Variants in ANKRD30BL observed in about 807,000 individuals in gnomAD.
ANKRD30BL encodes ankyrin repeat domain 30B like.
A neutral mutation model predicts 18.4 loss-of-function variants in ANKRD30BL; 20 were observed. The observed-to-expected ratio is 1.09, with a 90% confidence interval of 0.77 to 1.58. ANKRD30BL has a LOEUF of 1.58. ANKRD30BL is among the 40% of genes most tolerant of loss of function. The pLI is 0.00. For missense variants in ANKRD30BL, 224 were observed against 268.6 expected, an observed-to-expected ratio of 0.83 and a Z score of 1.16; for synonymous variants, 72 against 100.9, an observed-to-expected ratio of 0.71 and a Z score of 1.72.
At chr2:132,206,411 A>G (rs1317878944) in intron 1 of ANKRD30BL, among the ~76,000 whole-genome samples, 1 of 152,154 alleles carries the variant, frequency 6.6e-6, no homozygotes, top group South Asian at 2.1e-4. Context: ...TGAACCCAGG[A>G]TATCAGGATG....
intron 1 of ANKRD30BL, among the ~76,000 whole-genome samples, chr2:132,227,079 T>C (rs2104778110): frequency 6.6e-6 from 1 of 152,260 alleles, no homozygotes; most frequent in Admixed American, 6.6e-5. Context: ...AAATTCTTTG[T>C]GATGTTTGCA....
upstream of ANKRD30BL, among the ~76,000 whole-genome samples, chr2:132,162,371 C>A (rs1290474661): frequency 6.6e-6 from 1 of 152,206 alleles, no homozygotes; most frequent in African/African-American, 2.4e-5. Flanking sequence ...TGCAGCTGAG[C>A]CCATGGTAGA....
chr2:132,155,452 A>G (rs2104923311), intron 3 of ANKRD30BL: 1 of 152,342 alleles, frequency 6.6e-6, no homozygotes, highest in South Asian at 2.1e-4. Context: ...TCCAAATGCC[A>G]ATGTCAGGCA....
chr2:132,171,015 G>C, intron 1 of ANKRD30BL, among the ~76,000 whole-genome samples: 1 of 152,054 alleles, frequency 6.6e-6, no homozygotes, highest in East Asian at 1.9e-4. Context: ...AATTAGCCGG[G>C]CGTGGTGGCG....
rs187466878 is a variant in ANKRD30BL at position 132,213,027 on chromosome 2, T to C, written n.441+44502A>G. On this transcript the variant is annotated intron_variant and non_coding_transcript_variant, in intron 1 of 4. Transcript: ENST00000470729. ...AATTCTGAGAAACTTCTTCATGATGTATGCATTCATCTCACAGAGTTTAAC... is the reference window on the plus strand; with the variant it reads ...AATTCTGAGAAACTTCTTCATGATGCATGCATTCATCTCACAGAGTTTAAC... Among the ~76,000 whole-genome samples, 1,155 of 152,066 alleles carry C rather than the reference T, an allele frequency of 7.6e-3. 18 individuals are homozygous for C. Among genetic ancestry groups the C allele is most frequent in the Non-Finnish European group, 8.6e-3 (586 of 67,942 alleles).
At chr2:132,230,113 G>A (rs1206150681) in intron 1 of ANKRD30BL, among the ~76,000 whole-genome samples, 4 of 150,256 alleles carry the variant, frequency 2.7e-5, no homozygotes, top group South Asian at 2.1e-4. Context: ...TTTGAGGCCT[G>A]TGGTGGAAAA....
intron 5 of ANKRD30BL, among the ~76,000 whole-genome samples, chr2:132,149,858 T>C (rs1375006028): frequency 6.6e-6 from 1 of 152,152 alleles, no homozygotes; most frequent in Non-Finnish European, 1.5e-5. Flanking sequence ...TAATAAATAG[T>C]GAATATATTT....
At chr2:132,204,946 TAAAG>T (rs748682714) in intron 1 of ANKRD30BL, among the ~76,000 whole-genome samples, 110 of 150,908 alleles carry the variant, frequency 7.3e-4, no homozygotes, top group Non-Finnish European at 7.5e-4. Context: ...TAAAAAAAAA[TAAAG>T]AAAATCAAAC....
intron 1 of ANKRD30BL, among the ~76,000 whole-genome samples, chr2:132,221,523 C>T (rs1245350966): frequency 2.3e-5 from 3 of 129,576 alleles, no homozygotes; most frequent in African/African-American, 1.1e-4. Flanking sequence ...GCCTGGCCAG[C>T]CACCCCGTCC....
intron 1 of ANKRD30BL, among the ~76,000 whole-genome samples, chr2:132,248,970 C>T (rs1680576925): frequency 6.6e-6 from 1 of 152,132 alleles, no homozygotes; most frequent in Admixed American, 6.6e-5. Flanking sequence ...CCTTTTTCAC[C>T]ATAGGCCTCA....
chr2:132,208,136 T>C (rs560184792), intron 1 of ANKRD30BL, among the ~76,000 whole-genome samples: 3 of 152,242 alleles, frequency 2.0e-5, no homozygotes, highest in African/African-American at 7.2e-5. Flanking sequence ...CTAAACAGAA[T>C]TGTAGATCCA....
intron 1 of ANKRD30BL, among the ~76,000 whole-genome samples, chr2:132,256,685 G>T (rs78164602): frequency 6.6e-6 from 1 of 152,208 alleles, no homozygotes; most frequent in South Asian, 2.1e-4. Context: ...ACTGCTGGCC[G>T]ACCCCAAACC....
At chr2:132,252,664 G>A (rs1207044587) in intron 1 of ANKRD30BL, among the ~76,000 whole-genome samples, 10 of 152,226 alleles carry the variant, frequency 6.6e-5, no homozygotes, top group Non-Finnish European at 1.3e-4. Context: ...GAACTGCGGC[G>A]ACTGTGACGT....
upstream of ANKRD30BL, among the ~76,000 whole-genome samples, chr2:132,165,867 A>G (rs1395361745): frequency 2.6e-5 from 4 of 152,056 alleles, no homozygotes; most frequent in African/African-American, 4.8e-5. Flanking sequence ...TGAAAGAAAA[A>G]AAAACAAAAA....
intron 1 of ANKRD30BL, among the ~76,000 whole-genome samples, chr2:132,248,686 CA>C (rs1680569133): frequency 6.6e-6 from 1 of 151,752 alleles, no homozygotes; most frequent in Non-Finnish European, 1.5e-5. Flanking sequence ...ACAGAGTTTC[CA>C]GACTCGTCAA....
intron 1 of ANKRD30BL, among the ~76,000 whole-genome samples, chr2:132,230,527 A>G (rs1177282811): frequency 9.2e-5 from 14 of 151,978 alleles, no homozygotes; most frequent in Admixed American, 9.2e-4. Flanking sequence ...TGATGTTTGC[A>G]TTCAGCTCAC....
intron 1 of ANKRD30BL, among the ~76,000 whole-genome samples, chr2:132,254,049 G>A (rs537759672): frequency 5.0e-5 from 7 of 141,256 alleles, no homozygotes; most frequent in South Asian, 2.3e-4. Context: ...CCGTGACGCC[G>A]AGAACCACCC....
At chr2:132,209,536 G>T (rs1445186212) in intron 1 of ANKRD30BL, among the ~76,000 whole-genome samples, 2 of 152,118 alleles carry the variant, frequency 1.3e-5, no homozygotes, top group African/African-American at 4.8e-5. Context: ...CTACACAAAT[G>T]CCTTCTGAGA....
chr2:132,239,241 G>C (rs1177634558), intron 1 of ANKRD30BL, among the ~76,000 whole-genome samples: 1 of 151,734 alleles, frequency 6.6e-6, no homozygotes, highest in Admixed American at 6.6e-5. Flanking sequence ...ACTCTTTGTA[G>C]AATTTGCAAG....
Sources: allele counts gnomAD v4.1 joint callset (sites outside exome capture counted in the v4.1 genomes callset), GRCh38; gene constraint gnomAD v4.1.1; transcripts MANE v1.5; gene names NCBI Gene and HGNC (gene_info 2026-07-23, HGNC 2026-07-21).